Variants in SLC39A10 observed in about 807,000 individuals in gnomAD.
The protein encoded by SLC39A10 is zinc transporter ZIP10.
SLC39A10 carries 13 observed loss-of-function variants against 65.1 expected under a neutral mutation model. That is an observed-to-expected ratio of 0.20 (90% CI 0.13 to 0.32). The LOEUF is 0.32. Among genes scored for constraint, SLC39A10 ranks in the 10% least tolerant of loss-of-function variants. The pLI, the probability that SLC39A10 is intolerant of heterozygous loss-of-function variation, is 1.00. For missense variants in SLC39A10, 831 were observed against 1,018.4 expected, an observed-to-expected ratio of 0.82 and a Z score of 2.50; for synonymous variants, 321 against 342.2, an observed-to-expected ratio of 0.94 and a Z score of 0.68.
chr2:195,637,377 G>A (rs1057420797), intron 2 of SLC39A10, among the ~76,000 whole-genome samples: 4 of 152,134 alleles, frequency 2.6e-5, no homozygotes, highest in Non-Finnish European at 5.9e-5. Flanking sequence ...CTTTCCCAGG[G>A]AACACAAAAT....
At chr2:195,729,099 G>A (rs1692343210) in intron 9 of SLC39A10, among the ~76,000 whole-genome samples, 2 of 151,372 alleles carry the variant, frequency 1.3e-5, no homozygotes. Context: ...CAGCCCCTGA[G>A]TAGCTAGGAC....
chr2:195,714,919 A>C (rs1691733451), intron 6 of SLC39A10, among the ~76,000 whole-genome samples: 1 of 151,322 alleles, frequency 6.6e-6, no homozygotes, highest in South Asian at 2.1e-4. Context: ...CGCCCGTCTA[A>C]TTTTTTGTGT....
At chr2:195,637,414 A>C (rs371653486) in intron 2 of SLC39A10, among the ~76,000 whole-genome samples, 5 of 152,282 alleles carry the variant, frequency 3.3e-5, no homozygotes, top group African/African-American at 1.2e-4. Context: ...TCATACCAGG[A>C]CTGTAGGGGT....
chr2:195,680,416 C>T lies in SLC39A10; in HGVS notation c.374C>T (p.Ser125Leu). 1 of 1,614,076 alleles carries T rather than the reference C, an allele frequency of 6.2e-7. No homozygotes were observed. Residue 125 changes from serine to leucine, a missense_variant, in exon 2 of 10, where the codon TCA becomes TTA. By Grantham distance (145) the Ser-to-Leu change is moderately radical. Around this residue, in one of 4 missense-constraint regions of SLC39A10, gnomAD observed 446 missense variants for 499.2 expected, o/e 0.89. Coordinates refer to ENST00000359634, the MANE Select transcript of SLC39A10 (RefSeq NM_020342.3). Reference sequence around the variant, plus strand: ...GTTCAAGAGGGAAAGCATTTTCACTCACATAACCACCAGCATTCCCATAAT... The same window carrying T: ...GTTCAAGAGGGAAAGCATTTTCACTTACATAACCACCAGCATTCCCATAAT... The part of the protein sequence containing the change: ...LAVQEGKHFH[S>L]HNHQHSHNHL...
At chr2:195,709,323 T>C (rs192975708) in intron 5 of SLC39A10, among the ~76,000 whole-genome samples, 161 of 152,232 alleles carry the variant, frequency 1.1e-3, no homozygotes, top group Admixed American at 2.6e-3. Context: ...CCTCCACCTC[T>C]TAGGTTCAAG....
intron 2 of SLC39A10, among the ~76,000 whole-genome samples, chr2:195,630,144 GTTT>G (rs1350242402): frequency 4.1e-5 from 5 of 123,026 alleles, no homozygotes; most frequent in African/African-American, 1.3e-4. Context: ...TATGGTTTGG[GTTT>G]TTTTTTTTTT....
rs563088511 is a variant in SLC39A10 at position 195,649,373 on chromosome 2, T to A, written c.-11-30659T>A. On this transcript the variant is annotated intron_variant, in intron 2 of 2. Transcript: ENST00000458054. Reference sequence around the variant, plus strand: ...TTAGAATTTTGCTGCATTGTTGCCATCAAATATTTTTTAAGAAATAAAGGT... The same window carrying A: ...TTAGAATTTTGCTGCATTGTTGCCAACAAATATTTTTTAAGAAATAAAGGT... Among the ~76,000 whole-genome samples the A allele has an allele frequency of 4.6e-5, 7 of 152,332 alleles. No individual in the cohort carries two copies. The East Asian group carries it at 1.3e-3, about 29-fold the overall frequency.
At chr2:195,669,350 A>G (rs1689758836) in intron 1 of SLC39A10, among the ~76,000 whole-genome samples, 1 of 152,206 alleles carries the variant, frequency 6.6e-6, no homozygotes, top group Non-Finnish European at 1.5e-5. Flanking sequence ...ATGCTACTGT[A>G]GTAGACTAAA....
Position 195,728,942 on chromosome 2 carries a change from A to G in SLC39A10, c.2337+593A>G, listed in dbSNP as rs1019074682. ...GGACATTTACTTTTTTTTTTCTGGT[A>G]AGATCACAGTCTTATTTCAAAATTA... On this transcript the variant is annotated intron_variant, in intron 9 of 9. Coordinates refer to ENST00000359634, the MANE Select transcript of SLC39A10 (RefSeq NM_020342.3). The surrounding 1 kb of genome is among the most constrained non-coding windows in gnomAD (Gnocchi z 4.4). Among the ~76,000 whole-genome samples, 21 of 150,984 alleles carry G rather than the reference A, an allele frequency of 1.4e-4. No homozygotes were observed. The highest frequency in any genetic ancestry group is 1.3e-3 in the Admixed American group (20 of 15,144).
chr2:195,642,622 A>G (rs1688834157), intron 2 of SLC39A10, among the ~76,000 whole-genome samples: 1 of 152,248 alleles, frequency 6.6e-6, no homozygotes, highest in African/African-American at 2.4e-5. Flanking sequence ...TAGATTAAAC[A>G]GTATTTCTCA....
intron 8 of SLC39A10, among the ~76,000 whole-genome samples, chr2:195,720,825 T>A (rs948813767): frequency 1.3e-5 from 2 of 152,212 alleles, no homozygotes; most frequent in African/African-American, 4.8e-5. Flanking sequence ...TCTTTATATC[T>A]CTGGTTTTAT....
At chr2:195,636,456 A>C (rs564054203) in intron 2 of SLC39A10, among the ~76,000 whole-genome samples, 20 of 152,234 alleles carry the variant, frequency 1.3e-4, no homozygotes, top group Non-Finnish European at 2.4e-4. Flanking sequence ...AGTCCTCAAT[A>C]GTTTTAAATA....
intron 6 of SLC39A10, among the ~76,000 whole-genome samples, chr2:195,715,683 T>C (rs1427350924): frequency 6.6e-6 from 1 of 152,146 alleles, no homozygotes; most frequent in East Asian, 1.9e-4. Flanking sequence ...TTCATAGTCA[T>C]AGTAGGGATA....
chr2:195,630,495 G>A (rs1272257722), intron 2 of SLC39A10, among the ~76,000 whole-genome samples: 1 of 152,136 alleles, frequency 6.6e-6, no homozygotes. Flanking sequence ...GCACTCCTTT[G>A]CCCATAGGGT....
intron 2 of SLC39A10, among the ~76,000 whole-genome samples, chr2:195,619,599 C>T (rs1688306519): frequency 6.6e-6 from 1 of 152,040 alleles, no homozygotes; most frequent in South Asian, 2.1e-4. Flanking sequence ...GGAATGTACT[C>T]AAGGAAGGAA....
chr2:195,694,284 G>A (rs1489791828), intron 3 of SLC39A10, among the ~76,000 whole-genome samples: 3 of 152,132 alleles, frequency 2.0e-5, no homozygotes, highest in Non-Finnish European at 4.4e-5. Context: ...CAGTTGTTGG[G>A]TAGAATGTTC....
At chr2:195,658,219 A>T (rs1292654542) in intron 1 of SLC39A10, 2 of 152,478 alleles carry the variant, frequency 1.3e-5, no homozygotes, top group East Asian at 3.9e-4. Flanking sequence ...GGCGCGAGCA[A>T]CATGACGTTC....
chr2:195,683,732 G>T lies in SLC39A10; in HGVS notation c.1042G>T (p.Gly348Cys). ...LNVTQLLKYYGHGANSPISTD... is the reference protein window; with the variant it reads ...LNVTQLLKYYCHGANSPISTD... Reference sequence around the variant, plus strand: ...CGTCACTCAGTTATTAAAATACTATGGTCATGGTGCCAACTCTCCCATCTC... The same window carrying T: ...CGTCACTCAGTTATTAAAATACTATTGTCATGGTGCCAACTCTCCCATCTC... Residue 348 changes from glycine (G) to cysteine (C), a missense_variant, in exon 3 of 10, where the codon GGT (glycine) becomes TGT (cysteine). Transcript: ENST00000359634. 2 of 1,612,980 alleles carry T rather than the reference G, an allele frequency of 1.2e-6. No individual in the cohort carries two copies. Among genetic ancestry groups the T allele is most frequent in the Non-Finnish European group, 1.7e-6 (2 of 1,179,354 alleles).
chr2:195,623,710 G>A (rs906877430), intron 2 of SLC39A10, among the ~76,000 whole-genome samples: 1 of 152,076 alleles, frequency 6.6e-6, no homozygotes, highest in Non-Finnish European at 1.5e-5. Flanking sequence ...AGGGCAAAAT[G>A]AATTTACCAT....
Sources: gnomAD v4.1 joint callset for allele counts (sites outside exome capture counted in the v4.1 genomes callset) on GRCh38, gnomAD v4.1.1 for gene constraint, gnomAD v4.1.1 regional missense constraint, Gnocchi (gnomAD v3.1) non-coding constraint, MANE v1.5 for transcripts, NCBI Gene and HGNC (gene_info 2026-07-23, HGNC 2026-07-21) for gene names.